The following PCDHA10 variants were observed in gnomAD, a reference collection of about 807,000 sequenced individuals.
The protein encoded by PCDHA10 is protocadherin alpha-10.
Under a neutral mutation model 61.2 loss-of-function variants are expected in PCDHA10, and 45 were observed. The observed-to-expected ratio is 0.74, with a 90% CI of 0.58 to 0.94. The LOEUF is 0.94. Among genes scored for constraint, PCDHA10 ranks in the 40% least tolerant of loss-of-function variants. PCDHA10 has a pLI of 0.00. For synonymous variants in PCDHA10, 602 were observed against 548.8 expected (o/e 1.10, Z -1.35); for missense variants, 1,278 against 1,236.2 (o/e 1.03, Z -0.51).
At chr5:140,875,228 T>C in intron 1 of PCDHA10, 5 of 832,094 alleles carry the variant, frequency 6.0e-6, no homozygotes, top group Non-Finnish European at 8.6e-6. Flanking sequence ...CTCAGGATCT[T>C]TCTTGTACTT....
intron 3 of PCDHA10, among the ~76,000 whole-genome samples, chr5:140,997,260 T>G (rs1364203100): frequency 6.6e-6 from 1 of 152,196 alleles, no homozygotes; most frequent in Admixed American, 6.5e-5. Flanking sequence ...GGTTCACTCT[T>G]CCAAATATTT....
chr5:140,926,798 C>T (rs1584463033), intron 1 of PCDHA10: 2 of 1,455,342 alleles, frequency 1.4e-6, no homozygotes, highest in East Asian at 2.5e-5. Context: ...GGAGCGTGCT[C>T]TTCCCCGCGG....
chr5:140,863,997 T>A (rs1186516549), intron 1 of PCDHA10: 1 of 152,666 alleles, frequency 6.6e-6, no homozygotes, highest in African/African-American at 2.4e-5. Context: ...TGAAACTCTG[T>A]CTTAAAAAAA....
At chr5:140,916,776 C>A (rs2153540006) in intron 1 of PCDHA10, among the ~76,000 whole-genome samples, 1 of 152,308 alleles carries the variant, frequency 6.6e-6, no homozygotes. Context: ...CACAAGCACT[C>A]CCTTAGCTGC....
chr5:140,943,617 T>A (rs2093532711), intron 1 of PCDHA10, among the ~76,000 whole-genome samples: 1 of 152,208 alleles, frequency 6.6e-6, no homozygotes, highest in Non-Finnish European at 1.5e-5. Context: ...TTGATTCATC[T>A]GCATAAGGAA....
At chr5:140,984,174 G>A (rs557769828) in intron 3 of PCDHA10, among the ~76,000 whole-genome samples, 25 of 152,318 alleles carry the variant, frequency 1.6e-4, no homozygotes, top group African/African-American at 5.8e-4. Flanking sequence ...AAGAAGCCAC[G>A]TGAAATCATG....
chr5:140,987,225 A>AT (rs1451600480), intron 3 of PCDHA10, among the ~76,000 whole-genome samples: 11 of 143,044 alleles, frequency 7.7e-5, no homozygotes, highest in Non-Finnish European at 1.0e-4. Context: ...AAAAAAAAAA[A>AT]AATAATAAAT....
At chr5:140,967,733 C>T (rs1473723959) in intron 1 of PCDHA10, 7 of 1,614,024 alleles carry the variant, frequency 4.3e-6, no homozygotes, top group Non-Finnish European at 5.9e-6. Context: ...AATTGGGGGG[C>T]TGGATTATGA....
intron 1 of PCDHA10, among the ~76,000 whole-genome samples, chr5:140,905,589 G>T (rs1336272963): frequency 4.6e-5 from 7 of 152,084 alleles, no homozygotes; most frequent in African/African-American, 1.7e-4. Context: ...ATGATATTTT[G>T]CTGGGAATTG....
chr5:140,968,918 A>G, intron 1 of PCDHA10: 1 of 1,614,164 alleles, frequency 6.2e-7, no homozygotes, highest in Non-Finnish European at 8.5e-7. Context: ...AGTGTCTTTT[A>G]TATTTCTTTT....
chr5:140,966,894 A>C, intron 1 of PCDHA10: 1 of 1,596,438 alleles, frequency 6.3e-7, no homozygotes, highest in African/African-American at 1.3e-5. Flanking sequence ...GCGGCCTCCC[A>C]GCTGCGATAC....
At chr5:140,878,098 A>C in intron 1 of PCDHA10, 1 of 278,310 alleles carries the variant, frequency 3.6e-6, no homozygotes, top group Non-Finnish European at 6.4e-6. Flanking sequence ...TGACTGATGA[A>C]CCTTGAAAAA....
Position 140,982,458 on chromosome 5 carries a change from T to C in PCDHA10, c.2448-17T>C, listed in dbSNP as rs1554244201. 1 of 1,613,996 alleles carries C rather than the reference T, an allele frequency of 6.2e-7. No homozygotes were observed. Among genetic ancestry groups the C allele is most frequent in the Non-Finnish European group, 8.5e-7 (1 of 1,179,964 alleles). ...ATTTATGATCTAACCGTTATCTGGG[T>C]CTGTGTGTTTATTCAGCTCTGTGCA... On this transcript the variant is annotated splice_polypyrimidine_tract_variant and intron_variant, in intron 2 of 3. Transcript: ENST00000307360.
At chr5:140,928,878 G>A (rs1563110550) in intron 1 of PCDHA10, 6 of 1,614,194 alleles carry the variant, frequency 3.7e-6, no homozygotes, top group Non-Finnish European at 4.2e-6. Flanking sequence ...CTGTCCCTCA[G>A]TTACTTCCAG....
At chr5:140,893,150 A>T (rs1398784015) in intron 1 of PCDHA10, among the ~76,000 whole-genome samples, 2 of 152,066 alleles carry the variant, frequency 1.3e-5, no homozygotes, top group African/African-American at 4.8e-5. Flanking sequence ...TCATCTGTTG[A>T]TGGATATTGA....
chr5:140,971,771 T>C (rs1433692038), intron 1 of PCDHA10, among the ~76,000 whole-genome samples: 1 of 152,192 alleles, frequency 6.6e-6, no homozygotes, highest in Non-Finnish European at 1.5e-5. Context: ...TCTTGAATAT[T>C]ATTCAAGATT....
At chr5:140,912,939 T>C (rs1372074826) in intron 1 of PCDHA10, among the ~76,000 whole-genome samples, 1 of 152,230 alleles carries the variant, frequency 6.6e-6, no homozygotes, top group Middle Eastern at 3.2e-3. Context: ...CATCCTTGTA[T>C]CCCTGGGATA....
At chr5:140,986,532 C>G (rs1298199477) in intron 3 of PCDHA10, among the ~76,000 whole-genome samples, 2 of 152,184 alleles carry the variant, frequency 1.3e-5, no homozygotes, top group Non-Finnish European at 2.9e-5. Context: ...GGGAACTGGC[C>G]TGGCTTCAGT....
rs567371259 is a variant in PCDHA10, at chr5:140,910,950, G to A, written c.2388+52514G>A. ...TAAGAAAGCTCAAGCAGTTCTTTTC[G>A]AGTGTAGCACACCTCCTCATGGGTT... On this transcript the variant is annotated intron_variant, in intron 1 of 3. Coordinates refer to ENST00000307360, the MANE Select transcript of PCDHA10 (RefSeq NM_018901.4). Among the ~76,000 whole-genome samples, 203 of 152,092 alleles carry A rather than the reference G, an allele frequency of 1.3e-3. 1 individual carries two copies. Among genetic ancestry groups the A allele is most frequent in the Non-Finnish European group, 2.4e-3 (165 of 68,000 alleles).
Sources: allele counts gnomAD v4.1 joint callset (sites outside exome capture counted in the v4.1 genomes callset), GRCh38; gene constraint gnomAD v4.1.1; transcripts MANE v1.5; gene names NCBI Gene and HGNC (gene_info 2026-07-23, HGNC 2026-07-21).